Variants in VPS13B observed in about 807,000 individuals in gnomAD.
VPS13B encodes vacuolar protein sorting 13 homolog B.
VPS13B carries 285 observed loss-of-function variants against 426.4 expected under a neutral mutation model. The observed-to-expected ratio is 0.67, with a 90% CI of 0.61 to 0.74. The LOEUF (loss-of-function observed/expected upper bound fraction) is 0.74, where lower values mean the gene tolerates loss of function less well. Among genes scored for constraint, VPS13B ranks in the 30% least tolerant of loss-of-function variants. The pLI, the probability that VPS13B is intolerant of heterozygous loss-of-function variation, is 0.00. For missense variants in VPS13B, 4,537 were observed against 4,782.6 expected (o/e 0.95, Z 1.51); for synonymous variants, 1,676 against 1,676.4 (o/e 1.00, Z 0.01).
chr8:99,013,671 TG>T, intron 1 of VPS13B, 88 bp from the exon 2 acceptor site: 2 of 1,275,182 alleles, frequency 1.6e-6, no homozygotes, highest in Admixed American at 1.7e-5. Context: ...GCCGCTTTGG[TG>T]GGGACTTACT....
intron 21 of VPS13B, among the ~76,000 whole-genome samples, chr8:99,401,742 T>C (rs1815048826): frequency 6.6e-6 from 1 of 152,164 alleles, no homozygotes; most frequent in Admixed American, 6.5e-5. Flanking sequence ...GACGCGTGCC[T>C]GCAGTCCCAG....
chr8:99,115,014 A>G (rs1847579193), intron 6 of VPS13B, among the ~76,000 whole-genome samples: 1 of 152,108 alleles, frequency 6.6e-6, no homozygotes, highest in African/African-American at 2.4e-5. Flanking sequence ...TCTTTGTTAT[A>G]ATGGTTTCAT....
At chr8:99,767,063 T>C (rs1811263027) in intron 40 of VPS13B, 93 bp downstream of exon 40, 2 of 1,251,966 alleles carry the variant, frequency 1.6e-6, no homozygotes, top group Non-Finnish European at 2.3e-6. Context: ...TAACTGTATC[T>C]CAGCTGTCTA....
intron 28 of VPS13B, among the ~76,000 whole-genome samples, chr8:99,508,258 T>G (rs942443475): frequency 3.3e-5 from 5 of 152,190 alleles, no homozygotes; most frequent in African/African-American, 1.2e-4. Flanking sequence ...TAAAAATTTT[T>G]TTTCTATTAT....
At chr8:99,589,594 C>G (rs1826501310) in intron 33 of VPS13B, among the ~76,000 whole-genome samples, 1 of 151,710 alleles carries the variant, frequency 6.6e-6, no homozygotes, top group Non-Finnish European at 1.5e-5. Context: ...TTTTCTTAAT[C>G]CAGTCTATCG....
chr8:99,060,909 A>C (rs911217255), intron 3 of VPS13B, among the ~76,000 whole-genome samples: 2 of 152,174 alleles, frequency 1.3e-5, no homozygotes, highest in African/African-American at 2.4e-5. Context: ...GATCAAGACA[A>C]GGAAGGCTTT....
rs149369506 is a variant in VPS13B, at chr8:99,219,377, A to G, written c.2515+26320A>G. On this transcript the variant is annotated intron_variant, in intron 17 of 61. Transcript: ENST00000357162. ...AGACTCTGACATTTTGGGGAATTTC[A>G]TGTATCAAAGGCCCCATTAGGCCTG... Among the ~76,000 whole-genome samples the G allele has an allele frequency of 2.9e-3, 436 of 152,316 alleles. 2 individuals carry two copies. The highest frequency in any genetic ancestry group is 0.014 in the Middle Eastern group (4 of 294).
Position 99,784,358 on chromosome 8 carries a change from T to C in VPS13B, c.7823T>C (p.Val2608Ala). 1.2e-6 allele frequency: 2 copies of C among 1,613,748 alleles called. No individual in the cohort carries two copies. The highest frequency in any genetic ancestry group is 1.7e-6 in the Non-Finnish European group (2 of 1,179,694). ...EVEELVFSHF[V>A]ICNDTQETLR... ...GAGGAGTTGGTCTTCAGCCATTTTG[T>C]GATCTGTAATGACACACAGGAGACA... is the stretch of plus-strand genomic sequence containing the variant. Residue 2608 changes from valine to alanine, a missense_variant, in exon 43 of 62, where the codon GTG becomes GCG. Val to Ala is a moderately conservative substitution (Grantham distance 64). This residue lies in a region of VPS13B where 4,311 missense variants were observed against 4,474.3 expected (regional missense o/e 0.96). Transcript: ENST00000357162.
chr8:99,380,890 TA>T (rs1554763321), intron 19 of VPS13B, among the ~76,000 whole-genome samples: 16 of 146,340 alleles, frequency 1.1e-4, no homozygotes, highest in East Asian at 2.0e-4. Context: ...TTTTTTTTTT[TA>T]AAAAAAAAAG....
At chr8:99,123,122 C>CAAAAAAAA (rs71273164) in intron 8 of VPS13B, among the ~76,000 whole-genome samples, 6 of 61,420 alleles carry the variant, frequency 9.8e-5, no homozygotes, top group African/African-American at 6.2e-5. Flanking sequence ...ACTCTGTCTC[C>CAAAAAAAA]AAAAAAAAAA....
chr8:99,114,299 G>A (rs928752428), intron 6 of VPS13B, among the ~76,000 whole-genome samples: 1 of 151,998 alleles, frequency 6.6e-6, no homozygotes, highest in Admixed American at 6.6e-5. Context: ...CCAACTTGTT[G>A]AACAACAAAT....
intron 17 of VPS13B, among the ~76,000 whole-genome samples, chr8:99,236,887 A>G (rs114558575): frequency 3.3e-5 from 5 of 152,354 alleles, no homozygotes; most frequent in African/African-American, 7.2e-5. Flanking sequence ...TTCCAGTTCT[A>G]TAACCACATC....
intron 21 of VPS13B, among the ~76,000 whole-genome samples, chr8:99,423,165 T>C (rs905570311): frequency 2.0e-5 from 3 of 152,182 alleles, no homozygotes. Context: ...TGATGCTGAA[T>C]ATCTTTTATA....
chr8:99,873,864 G>C (rs1817561274), intron 61 of VPS13B, among the ~76,000 whole-genome samples: 1 of 152,154 alleles, frequency 6.6e-6, no homozygotes, highest in Non-Finnish European at 1.5e-5. Context: ...ACAGACATGA[G>C]GAAGCCTGTC....
intron 28 of VPS13B, among the ~76,000 whole-genome samples, chr8:99,510,166 C>A (rs939957043): frequency 6.6e-6 from 1 of 152,152 alleles, no homozygotes; most frequent in Non-Finnish European, 1.5e-5. Context: ...ATTGTTACAT[C>A]ACATTACTGT....
At chr8:99,508,299 A>G (rs571953762) in intron 28 of VPS13B, among the ~76,000 whole-genome samples, 3 of 152,160 alleles carry the variant, frequency 2.0e-5, no homozygotes, top group Non-Finnish European at 4.4e-5. Context: ...ACTAATTCAA[A>G]GTAACTTGTG....
At chr8:99,315,761 C>T (rs913963067) in intron 19 of VPS13B, among the ~76,000 whole-genome samples, 2 of 151,994 alleles carry the variant, frequency 1.3e-5, no homozygotes, top group South Asian at 4.1e-4. Flanking sequence ...CTCAGCCTCC[C>T]GAGTAGCTAG....
intron 19 of VPS13B, among the ~76,000 whole-genome samples, chr8:99,359,458 T>G (rs1437425509): frequency 2.6e-5 from 4 of 152,122 alleles, no homozygotes. Flanking sequence ...GAGATGAACA[T>G]AAAGGCTAAG....
In VPS13B at chr8:99,829,292, G is replaced by A. The variant is rs151289188; in HGVS notation, c.9331-3077G>A. Among the ~76,000 whole-genome samples, 162 of 151,938 alleles carry A rather than the reference G, an allele frequency of 1.1e-3. 1 individual carries two copies. The highest frequency in any genetic ancestry group is 3.5e-3 in the African/African-American group (145 of 41,356). On this transcript the variant is annotated intron_variant, in intron 51 of 61. Coordinates refer to ENST00000357162, the MANE Select transcript of VPS13B (RefSeq NM_152564.5). ...CCCATATTTCTTGGAGGCTTTGTTC[G>A]TTCCTTTTCATTCTTTTTTCTCTAA...
Sources: gnomAD v4.1 joint callset for allele counts (sites outside exome capture counted in the v4.1 genomes callset) on GRCh38, gnomAD v4.1.1 for gene constraint, gnomAD v4.1.1 regional missense constraint, MANE v1.5 for transcripts, NCBI Gene and HGNC (gene_info 2026-07-23, HGNC 2026-07-21) for gene names.